ABCG1: variants seen among roughly 807,000 people sequenced by gnomAD.
ABCG1 encodes the protein ATP binding cassette subfamily G member 1.
In ABCG1, 29 loss-of-function variants were observed where a neutral mutation model predicts 69.2. The observed-to-expected ratio is 0.42, with a 90% CI of 0.31 to 0.57. The LOEUF (loss-of-function observed/expected upper bound fraction) is 0.57, where lower values mean the gene tolerates loss of function less well. Among genes scored for constraint, ABCG1 ranks in the 20% least tolerant of loss-of-function variants. ABCG1 has a pLI of 0.15. For synonymous variants in ABCG1, 370 were observed against 374.8 expected, an observed-to-expected ratio of 0.99 and a Z score of 0.15; for missense variants, 718 against 898.1, an observed-to-expected ratio of 0.80 and a Z score of 2.56.
rs1456547084 is a variant in ABCG1, at chr21:42,276,805, G to A, written c.538-90G>A. 1 of 1,354,600 alleles carries A rather than the reference G, an allele frequency of 7.4e-7. No individual in the cohort carries two copies. Among genetic ancestry groups the A allele is most frequent in the Non-Finnish European group, 1.0e-6 (1 of 952,732 alleles). 83.9% of individuals were successfully genotyped at this position (1,354,600 alleles called of 1,614,324 possible). On this transcript the variant is annotated intron_variant, in intron 4 of 14. Coordinates refer to ENST00000398449, the MANE Select transcript of ABCG1 (RefSeq NM_016818.3). The surrounding 1 kb of genome is among the most constrained non-coding windows in gnomAD (Gnocchi z 5.3). ...ACTGTGGCTAGCTGCATCTTGGCTA[G>A]CTGCACCGTGGCCTGCAGTGCGGGC... is the stretch of plus-strand genomic sequence containing the variant.
upstream of ABCG1, among the ~76,000 whole-genome samples, chr21:42,216,817 C>T (rs1372647627): frequency 6.6e-6 from 1 of 152,166 alleles, no homozygotes; most frequent in Non-Finnish European, 1.5e-5. Flanking sequence ...GGCTTCTTTC[C>T]CGATCGGGCG....
chr21:42,294,704 G>T, intron 14 of ABCG1, 44 bp downstream of exon 14: 1 of 1,568,138 alleles, frequency 6.4e-7, no homozygotes, highest in South Asian at 1.1e-5. Flanking sequence ...CGAGGGTGAC[G>T]GGGGAAGAAC....
At position 42,288,130 on chromosome 21, in the gene ABCG1, G is replaced by T. The variant is rs758739967; in HGVS notation, c.1123-81G>T. 4 of 1,611,728 alleles carry T rather than the reference G, an allele frequency of 2.5e-6. No homozygotes were observed. The highest frequency in any genetic ancestry group is 2.2e-5 in the East Asian group (1 of 44,862). Reference sequence around the variant, plus strand: ...GCTGCACGTGGCACCGTGCACTGCTGCATGAGAGCTCTTTCCGAGCAAGAA... The same window carrying T: ...GCTGCACGTGGCACCGTGCACTGCTTCATGAGAGCTCTTTCCGAGCAAGAA... On this transcript the variant is annotated intron_variant, in intron 9 of 14. Coordinates refer to ENST00000398449, the MANE Select transcript of ABCG1 (RefSeq NM_016818.3). This position sits in a 1 kb window ranked among gnomAD's most constrained non-coding sequence, Gnocchi z 4.8.
At chr21:42,215,307 C>A (rs376943563), upstream of ABCG1, among the ~76,000 whole-genome samples, 7 of 152,250 alleles carry the variant, frequency 4.6e-5, no homozygotes, top group Admixed American at 3.3e-4. Context: ...AGGATCCTCA[C>A]GCCAGAGGCC....
At chr21:42,201,460 G>T in intron 1 of ABCG1, 1 of 591,906 alleles carries the variant, frequency 1.7e-6, no homozygotes, top group Non-Finnish European at 2.8e-6. Context: ...ATTCCTAACG[G>T]GCCACGGACT....
At chr21:42,275,873 C>T (rs1224591373) in intron 4 of ABCG1, among the ~76,000 whole-genome samples, 1 of 152,232 alleles carries the variant, frequency 6.6e-6, no homozygotes, top group Non-Finnish European at 1.5e-5. Context: ...CACAGTTGTG[C>T]ATGTTTATGC....
intron 2 of ABCG1, among the ~76,000 whole-genome samples, chr21:42,268,999 G>A (rs533255179): frequency 8.7e-4 from 133 of 152,308 alleles, no homozygotes; most frequent in Middle Eastern, 3.4e-3. Context: ...AAGAGAGGTG[G>A]GCCCTGCCTG....
intron 2 of ABCG1, among the ~76,000 whole-genome samples, chr21:42,269,375 C>T (rs905276935): frequency 2.6e-5 from 4 of 152,158 alleles, no homozygotes; most frequent in Admixed American, 2.6e-4. Context: ...TGAGGGGCAC[C>T]CATGGCTCAG....
intron 2 of ABCG1, among the ~76,000 whole-genome samples, chr21:42,255,069 A>G (rs2068280278): frequency 6.6e-6 from 1 of 152,272 alleles, no homozygotes; most frequent in African/African-American, 2.4e-5. Context: ...CCAGGTTTAG[A>G]AGCCTGGAAA....
chr21:42,264,586 G>C (rs114971768), intron 2 of ABCG1, among the ~76,000 whole-genome samples: 15,839 of 152,050 alleles, frequency 0.1, 2,695 homozygotes, highest in African/African-American at 0.36. Context: ...CTGGGCCAGG[G>C]CCGAATGTTT....
At chr21:42,281,475 G>A (rs529992788) in intron 5 of ABCG1, among the ~76,000 whole-genome samples, 24 of 152,356 alleles carry the variant, frequency 1.6e-4, no homozygotes, top group African/African-American at 4.6e-4. Context: ...TCAATAATCC[G>A]GAGCAGACAG....
chr21:42,231,406 C>A (rs902145510), intron 2 of ABCG1, among the ~76,000 whole-genome samples: 1 of 152,220 alleles, frequency 6.6e-6, no homozygotes, highest in Non-Finnish European at 1.5e-5. Flanking sequence ...CCAGGCTCAT[C>A]CTTGCCAAAA....
chr21:42,285,757 G>A, intron 7 of ABCG1, 123 bp from the exon 8 acceptor site: 1 of 724,922 alleles, frequency 1.4e-6, no homozygotes, highest in Admixed American at 1.9e-5. Flanking sequence ...AGGAGAGGAA[G>A]TGGCTGATCG....
chr21:42,252,915 G>A (rs2068246087), intron 2 of ABCG1, among the ~76,000 whole-genome samples: 1 of 152,158 alleles, frequency 6.6e-6, no homozygotes, highest in Admixed American at 6.5e-5. Flanking sequence ...TCTGGTGCTG[G>A]GGAAGCTGCT....
At chr21:42,267,789 C>CTGGTCTGGGTTCTGTCTGGGTG (rs2068539070) in intron 2 of ABCG1, among the ~76,000 whole-genome samples, 3 of 123,384 alleles carry the variant, frequency 2.4e-5, no homozygotes, top group Admixed American at 1.6e-4. Flanking sequence ...CTGTCTGGGT[C>CTGGTCTGGGTTCTGTCTGGGTG]TGGTCTGGGT....
At chr21:42,238,356 A>G (rs2068005648) in intron 2 of ABCG1, among the ~76,000 whole-genome samples, 1 of 152,180 alleles carries the variant, frequency 6.6e-6, no homozygotes, top group Non-Finnish European at 1.5e-5. Flanking sequence ...GCTTTCCCCC[A>G]AGACAGGCTA....
chr21:42,290,009 G>A (rs2069024222), intron 10 of ABCG1, 41 bp from the exon 11 acceptor site: 1 of 1,613,836 alleles, frequency 6.2e-7, no homozygotes, highest in Non-Finnish European at 8.5e-7. Context: ...GCCGAGGACG[G>A]CTTTGCGAAC....
intron 2 of ABCG1, chr21:42,259,644 G>A: frequency 7.0e-7 from 1 of 1,433,162 alleles, no homozygotes; most frequent in Non-Finnish European, 9.1e-7. Flanking sequence ...AACTGACAAG[G>A]TTGCTAGAGC....
upstream of ABCG1, among the ~76,000 whole-genome samples, chr21:42,213,564 C>T (rs549839115): frequency 2.0e-5 from 3 of 152,356 alleles, no homozygotes; most frequent in East Asian, 1.9e-4. Context: ...GAGCCACTGA[C>T]GTGCACCTCC....
Sources: allele counts gnomAD v4.1 joint callset (sites outside exome capture counted in the v4.1 genomes callset), GRCh38; gene constraint gnomAD v4.1.1; non-coding constraint Gnocchi (gnomAD v3.1); transcripts MANE v1.5; gene names NCBI Gene and HGNC (gene_info 2026-07-23, HGNC 2026-07-21).